The following PTPRT variants were observed in gnomAD, a reference collection of about 807,000 sequenced individuals.
The protein encoded by PTPRT is protein tyrosine phosphatase receptor type T.
Under a neutral mutation model 176.8 loss-of-function variants are expected in PTPRT, and 56 were observed. The ratio of observed to expected loss-of-function variants is 0.32; its 90% CI spans 0.26 to 0.40. The LOEUF is 0.40. Among genes scored for constraint, PTPRT ranks in the 10% least tolerant of loss-of-function variants. The pLI, the probability that PTPRT is intolerant of heterozygous loss-of-function variation, is 1.00. For synonymous variants in PTPRT, 783 were observed against 739.0 expected (o/e 1.06, Z -0.96); for missense variants, 1,540 against 1,908.2 (o/e 0.81, Z 3.60).
At chr20:42,167,778 A>G (rs1001734785) in intron 16 of PTPRT, among the ~76,000 whole-genome samples, 4 of 152,172 alleles carry the variant, frequency 2.6e-5, no homozygotes, top group Non-Finnish European at 4.4e-5. Context: ...CTGAAGATAA[A>G]ACATTGGATT....
intron 15 of PTPRT, among the ~76,000 whole-genome samples, chr20:42,206,050 C>T (rs2055451815): frequency 6.6e-6 from 1 of 152,122 alleles, no homozygotes; most frequent in South Asian, 2.1e-4. Context: ...TGCTTTCTGC[C>T]TGCCAGTTCA....
intron 18 of PTPRT, among the ~76,000 whole-genome samples, chr20:42,130,809 G>A (rs1568957220): frequency 6.6e-6 from 1 of 152,206 alleles, no homozygotes; most frequent in Non-Finnish European, 1.5e-5. Context: ...CTTTGGGTGA[G>A]TGGGAGAGTG....
intron 7 of PTPRT, among the ~76,000 whole-genome samples, chr20:42,652,445 G>A (rs1013476683): frequency 1.3e-5 from 2 of 152,148 alleles, no homozygotes; most frequent in Non-Finnish European, 2.9e-5. Flanking sequence ...GAAGCAGGGT[G>A]TTGTAACTTT....
intron 2 of PTPRT, among the ~76,000 whole-genome samples, chr20:42,848,154 C>T (rs2078408227): frequency 6.6e-6 from 1 of 152,156 alleles, no homozygotes; most frequent in Non-Finnish European, 1.5e-5. Flanking sequence ...ACTGCAAATG[C>T]CATTATTTTG....
chr20:42,393,317 T>C (rs2058818656), intron 9 of PTPRT, among the ~76,000 whole-genome samples: 1 of 152,218 alleles, frequency 6.6e-6, no homozygotes, highest in South Asian at 2.1e-4. Context: ...TAACCCTTTT[T>C]AAAATATGCA....
intron 16 of PTPRT, among the ~76,000 whole-genome samples, chr20:42,182,905 G>GT (rs1273587302): frequency 8.4e-5 from 7 of 82,926 alleles, no homozygotes; most frequent in Admixed American, 1.4e-4. Context: ...CCTACAAGCA[G>GT]GGGTGTGTGT....
chr20:42,364,949 T>A (rs1396906060), intron 9 of PTPRT, among the ~76,000 whole-genome samples: 1 of 152,204 alleles, frequency 6.6e-6, no homozygotes, highest in Non-Finnish European at 1.5e-5. Flanking sequence ...TGATGCTTCC[T>A]CTTAGCAGAT....
chr20:42,709,417 TTTC>T (rs2076110646), intron 6 of PTPRT, among the ~76,000 whole-genome samples: 1 of 152,140 alleles, frequency 6.6e-6, no homozygotes, highest in African/African-American at 2.4e-5. Context: ...GCCTAGGACT[TTTC>T]TTCTCTCTCC....
chr20:42,184,370 C>T (rs1990640189), intron 16 of PTPRT, among the ~76,000 whole-genome samples: 1 of 152,100 alleles, frequency 6.6e-6, no homozygotes, highest in South Asian at 2.1e-4. Flanking sequence ...TTTCTTTGAT[C>T]ACCTTGAAGT....
At chr20:42,560,612 T>A (rs978427728) in intron 7 of PTPRT, among the ~76,000 whole-genome samples, 18 of 152,300 alleles carry the variant, frequency 1.2e-4, no homozygotes, top group African/African-American at 4.1e-4. Flanking sequence ...TAATTCCCAC[T>A]GCTAACCCAT....
chr20:43,012,896 C>G (rs111419992), intron 1 of PTPRT, among the ~76,000 whole-genome samples: 1 of 151,906 alleles, frequency 6.6e-6, no homozygotes, highest in Admixed American at 6.6e-5. Context: ...CAGGGCTCAC[C>G]CACAGGCTTG....
rs79233389 is a variant in PTPRT, at chr20:42,476,989, C to A, written c.1154-4427G>T. On this transcript the variant is annotated intron_variant, in intron 7 of 30. Coordinates refer to ENST00000373187, the MANE Select transcript of PTPRT (RefSeq NM_007050.6). ...TACACATTTTAGTCTGTAGCCCCTTCCCCCTTCTCCTTCCACCAAACTGCA... is the reference window on the plus strand; with the variant it reads ...TACACATTTTAGTCTGTAGCCCCTTACCCCTTCTCCTTCCACCAAACTGCA... 8.6e-3 allele frequency among the ~76,000 whole-genome samples: 1,314 copies of A among 152,302 alleles called. 22 individuals are homozygous for A. Among genetic ancestry groups the A allele is most frequent in the African/African-American group, 0.031 (1,270 of 41,568 alleles).
At chr20:42,929,064 T>C (rs1979665763) in intron 1 of PTPRT, among the ~76,000 whole-genome samples, 2 of 152,244 alleles carry the variant, frequency 1.3e-5, no homozygotes, top group Non-Finnish European at 2.9e-5. Context: ...GAGCAGGTAC[T>C]GCAGGTAAGA....
At chr20:42,775,398 G>A (rs2077121550) in intron 4 of PTPRT, among the ~76,000 whole-genome samples, 1 of 152,198 alleles carries the variant, frequency 6.6e-6, no homozygotes, top group Non-Finnish European at 1.5e-5. Flanking sequence ...AAGATTGTGA[G>A]GGAGAAAGAA....
At chr20:42,770,053 T>C (rs1168053414) in intron 5 of PTPRT, among the ~76,000 whole-genome samples, 1 of 152,246 alleles carries the variant, frequency 6.6e-6, no homozygotes, top group Non-Finnish European at 1.5e-5. Context: ...TAGTTTCACA[T>C]GTAAACATAC....
chr20:42,116,775 C>A (rs1987305429), intron 21 of PTPRT, among the ~76,000 whole-genome samples: 1 of 152,138 alleles, frequency 6.6e-6, no homozygotes, highest in African/African-American at 2.4e-5. Flanking sequence ...CGGTAATGCA[C>A]AATAAGCACC....
At chr20:42,508,081 G>C (rs1354508523) in intron 7 of PTPRT, among the ~76,000 whole-genome samples, 1 of 146,778 alleles carries the variant, frequency 6.8e-6, no homozygotes, top group Non-Finnish European at 1.5e-5. Context: ...CAATGGTTAT[G>C]TGGCTCTGTG....
chr20:42,338,064 C>T (rs1042468061), intron 11 of PTPRT, among the ~76,000 whole-genome samples: 1 of 152,156 alleles, frequency 6.6e-6, no homozygotes, highest in Non-Finnish European at 1.5e-5. Flanking sequence ...GAGGCAGAGG[C>T]CACCTTTTTA....
Position 42,395,278 on chromosome 20 carries a change from G to A in PTPRT, c.1561-42993C>T, listed in dbSNP as rs144229544. Among the ~76,000 whole-genome samples, 1,504 of 152,162 alleles carry A rather than the reference G, an allele frequency of 9.9e-3. 15 individuals are homozygous for A. The highest frequency in any genetic ancestry group is 0.016 in the Admixed American group (247 of 15,282). On this transcript the variant is annotated intron_variant, in intron 9 of 30. Coordinates refer to ENST00000373187, the MANE Select transcript of PTPRT (RefSeq NM_007050.6). ...AATGGAAGTTCCATGGTGAGAACAC[G>A]GCACATGTCAGCTTAACTGACCCAT...
Sources: gnomAD v4.1 joint callset for allele counts (sites outside exome capture counted in the v4.1 genomes callset) on GRCh38, gnomAD v4.1.1 for gene constraint, MANE v1.5 for transcripts, NCBI Gene and HGNC (gene_info 2026-07-23, HGNC 2026-07-21) for gene names.